Variants in PARN observed in about 807,000 individuals in gnomAD.
PARN encodes poly(A)-specific ribonuclease.
PARN carries 71 observed loss-of-function variants against 102.8 expected under a neutral mutation model. The observed-to-expected ratio is 0.69, with a 90% CI of 0.57 to 0.84. The LOEUF (loss-of-function observed/expected upper bound fraction) is 0.84, where lower values mean the gene tolerates loss of function less well. Ranked by LOEUF, PARN falls within the 40% of genes least tolerant of loss-of-function variation. PARN has a pLI of 0.00. For missense variants in PARN, 782 were observed against 760.9 expected (o/e 1.03, Z -0.33); for synonymous variants, 261 against 252.9 (o/e 1.03, Z -0.30).
At chr16:14,472,782 T>C (rs1215776218) in intron 22 of PARN, among the ~76,000 whole-genome samples, 1 of 152,164 alleles carries the variant, frequency 6.6e-6, no homozygotes, top group Non-Finnish European at 1.5e-5. Flanking sequence ...CTCAAAAAAG[T>C]CCACACAAAA....
chr16:14,522,065 A>C (rs1965764274), intron 21 of PARN, among the ~76,000 whole-genome samples: 1 of 152,240 alleles, frequency 6.6e-6, no homozygotes, highest in Non-Finnish European at 1.5e-5. Flanking sequence ...AACGATGTTC[A>C]CACAACGAAA....
chr16:14,626,628 T>C (rs1450793843), intron 5 of PARN, among the ~76,000 whole-genome samples: 1 of 152,064 alleles, frequency 6.6e-6, no homozygotes, highest in South Asian at 2.1e-4. Context: ...TTTTTTTTTT[T>C]TGAGCCAGAG....
intron 21 of PARN, among the ~76,000 whole-genome samples, chr16:14,521,590 G>A (rs1036197552): frequency 3.9e-5 from 6 of 152,078 alleles, no homozygotes; most frequent in Non-Finnish European, 7.4e-5. Flanking sequence ...CCTGAGGTTG[G>A]GAGTTTGAGA....
chr16:14,504,861 T>C (rs1964807008), intron 21 of PARN, among the ~76,000 whole-genome samples: 2 of 151,814 alleles, frequency 1.3e-5, no homozygotes, highest in Admixed American at 1.3e-4. Flanking sequence ...CCTATATGTA[T>C]GTTAAGCCTC....
rs558953577 is a variant in PARN at position 14,530,444 on chromosome 16, ACT to A, written c.1480+21575_1480+21576del. 3.7e-3 allele frequency among the ~76,000 whole-genome samples: 559 copies of A among 151,936 alleles called. 8 individuals are homozygous for A. The highest frequency in any genetic ancestry group is 0.013 in the African/African-American group (522 of 41,408). Reference sequence around the variant, plus strand: ...TTTCTCCTGAAGTGCCTGAGTTCAAACTCTGTTTACCATAACCCTCAACAAGA... The same window carrying A: ...TTTCTCCTGAAGTGCCTGAGTTCAAACTGTTTACCATAACCCTCAACAAGA... On this transcript the variant is annotated intron_variant, in intron 21 of 23. Transcript: ENST00000437198.
At chr16:14,523,803 CA>C (rs1023030603) in intron 21 of PARN, among the ~76,000 whole-genome samples, 8 of 152,062 alleles carry the variant, frequency 5.3e-5, no homozygotes, top group African/African-American at 1.9e-4. Context: ...GGTCCTTAAA[CA>C]ACCTAAGTAT....
chr16:14,621,496 A>G (rs748849305), intron 5 of PARN, among the ~76,000 whole-genome samples: 2 of 152,160 alleles, frequency 1.3e-5, no homozygotes, highest in Non-Finnish European at 2.9e-5. Flanking sequence ...TGTTACATAT[A>G]TTTTACCACA....
At chr16:14,567,379 C>T (rs117366788) in intron 18 of PARN, among the ~76,000 whole-genome samples, 1 of 152,220 alleles carries the variant, frequency 6.6e-6, no homozygotes, top group Middle Eastern at 3.4e-3. Context: ...AAAATGGAGA[C>T]TATTTTTTAA....
At chr16:14,448,113 T>A (rs1270448369) in intron 22 of PARN, among the ~76,000 whole-genome samples, 1 of 151,910 alleles carries the variant, frequency 6.6e-6, no homozygotes, top group Non-Finnish European at 1.5e-5. Context: ...GCCTCCCAAC[T>A]AGCTGGGATT....
At chr16:14,611,814 C>T (rs1325687758) in intron 6 of PARN, among the ~76,000 whole-genome samples, 1 of 152,096 alleles carries the variant, frequency 6.6e-6, no homozygotes, top group Non-Finnish European at 1.5e-5. Context: ...GGATTACAGG[C>T]GGGAGCCACG....
chr16:14,446,272 T>A (rs1961194183), intron 23 of PARN, among the ~76,000 whole-genome samples: 1 of 152,216 alleles, frequency 6.6e-6, no homozygotes, highest in Non-Finnish European at 1.5e-5. Context: ...CTGTGCTTCT[T>A]AAGCGCAGCA....
chr16:14,599,885 A>C lies in PARN; in HGVS notation c.840+19T>G, dbSNP rs974361538. On this transcript the variant is annotated intron_variant, in intron 12 of 23. Transcript: ENST00000437198. ...AATAGTATGTTCTGCAATCTTGCTA[A>C]AAAGTCTGGCTCACTTACCGAATTA... is the stretch of plus-strand genomic sequence containing the variant. The C allele has an allele frequency of 6.5e-7, 1 of 1,547,134 alleles. No homozygotes were observed. The highest frequency in any genetic ancestry group is 1.8e-5 in the Admixed American group (1 of 56,938).
intron 13 of PARN, among the ~76,000 whole-genome samples, chr16:14,587,316 A>G (rs1461845784): frequency 6.6e-6 from 1 of 152,244 alleles, no homozygotes; most frequent in African/African-American, 2.4e-5. Context: ...CAAGCAAGGA[A>G]CAAGGAGAAT....
At chr16:14,525,413 A>G (rs1965945243) in intron 21 of PARN, among the ~76,000 whole-genome samples, 1 of 152,176 alleles carries the variant, frequency 6.6e-6, no homozygotes, top group African/African-American at 2.4e-5. Flanking sequence ...TATGATGGCA[A>G]GGCAGGGAAC....
chr16:14,480,071 A>G (rs1256320460), intron 22 of PARN, among the ~76,000 whole-genome samples: 1 of 152,162 alleles, frequency 6.6e-6, no homozygotes, highest in Non-Finnish European at 1.5e-5. Flanking sequence ...GGTGGCTCAC[A>G]TCTGTAATCC....
At chr16:14,464,395 T>C (rs986198083) in intron 22 of PARN, among the ~76,000 whole-genome samples, 1 of 152,198 alleles carries the variant, frequency 6.6e-6, no homozygotes, top group Non-Finnish European at 1.5e-5. Flanking sequence ...GAGCAGTATC[T>C]TAAAATGAAT....
At chr16:14,591,052 T>C (rs1200144040) in intron 13 of PARN, among the ~76,000 whole-genome samples, 1 of 152,020 alleles carries the variant, frequency 6.6e-6, no homozygotes, top group African/African-American at 2.4e-5. Context: ...CACCCTGAGA[T>C]CAGCTTGGAC....
At position 14,559,405 on chromosome 16, in the gene PARN, ATT is replaced by A. The variant is rs1038201956; in HGVS notation, c.1263-3698_1263-3697del. Among the ~76,000 whole-genome samples, 6 of 146,430 alleles carry A rather than the reference ATT, an allele frequency of 4.1e-5. No homozygotes were observed. The East Asian group carries it at 5.8e-4, about 14-fold the overall frequency. On this transcript the variant is annotated intron_variant, in intron 18 of 23. Coordinates refer to ENST00000437198, the MANE Select transcript of PARN (RefSeq NM_002582.4). ...TATTCTCAGCTAAAACACTCAAAAG[ATT>A]TGTTTTTTTTTTTTAATTTTTATGA...
chr16:14,577,648 T>C (rs754805978), intron 18 of PARN, among the ~76,000 whole-genome samples: 9 of 152,086 alleles, frequency 5.9e-5, no homozygotes, highest in Non-Finnish European at 8.8e-5. Flanking sequence ...AAACCCACTT[T>C]ACTTACTTAC....
Sources: gnomAD v4.1 joint callset for allele counts (sites outside exome capture counted in the v4.1 genomes callset) on GRCh38, gnomAD v4.1.1 for gene constraint, MANE v1.5 for transcripts, NCBI Gene and HGNC (gene_info 2026-07-23, HGNC 2026-07-21) for gene names.